SEMA6D: variants seen among roughly 807,000 people sequenced by gnomAD.
SEMA6D encodes the protein semaphorin-6D.
A neutral mutation model predicts 106.6 loss-of-function variants in SEMA6D; 35 were observed. The ratio of observed to expected loss-of-function variants is 0.33; its 90% confidence interval spans 0.25 to 0.44. SEMA6D has a LOEUF of 0.44. Among genes scored for constraint, SEMA6D ranks in the 20% least tolerant of loss-of-function variants. SEMA6D has a pLI of 1.00. For synonymous variants in SEMA6D, 499 were observed against 487.7 expected, an observed-to-expected ratio of 1.02 and a Z score of -0.31; for missense variants, 1,185 against 1,345.9, an observed-to-expected ratio of 0.88 and a Z score of 1.87.
At chr15:47,354,199 C>CTA (rs58550689) in intron 1 of SEMA6D, among the ~76,000 whole-genome samples, 150 of 70,326 alleles carry the variant, frequency 2.1e-3, no homozygotes, top group East Asian at 2.9e-3. Flanking sequence ...CTCTCTCTCT[C>CTA]TATATATATA....
At chr15:47,468,980 C>T (rs532862545) in intron 2 of SEMA6D, among the ~76,000 whole-genome samples, 8 of 152,110 alleles carry the variant, frequency 5.3e-5, no homozygotes, top group Non-Finnish European at 1.0e-4. Flanking sequence ...GGCCCCTGAA[C>T]TCTTGAGGTC....
intron 1 of SEMA6D, among the ~76,000 whole-genome samples, chr15:47,217,381 A>G (rs990372276): frequency 5.3e-5 from 8 of 152,194 alleles, no homozygotes; most frequent in Admixed American, 2.6e-4. Context: ...TGAACCAGGT[A>G]TACCTTGTAA....
chr15:47,279,625 T>C (rs11632944), intron 1 of SEMA6D, among the ~76,000 whole-genome samples: 148,576 of 150,116 alleles, frequency 0.99, 73,535 homozygotes, highest in Middle Eastern at 1. Context: ...GGGAATGCTT[T>C]CAGTTTTTGT....
At chr15:47,405,251 G>A (rs1448893317) in intron 1 of SEMA6D, among the ~76,000 whole-genome samples, 1 of 152,154 alleles carries the variant, frequency 6.6e-6, no homozygotes, top group Non-Finnish European at 1.5e-5. Flanking sequence ...GTAAGGGATT[G>A]GAGGGGGTGG....
intron 1 of SEMA6D, among the ~76,000 whole-genome samples, chr15:47,227,438 T>TTTCTTTCTTTCTTTCTTTCTTTCTTTC (rs374904188): frequency 0.072 from 5,512 of 76,104 alleles, 170 homozygotes; most frequent in African/African-American, 0.11. Flanking sequence ...TCTTTCTTTC[T>TTTCTTTCTTTCTTTCTTTCTTTCTTTC]TTTCTTTCTT....
chr15:47,410,204 G>A (rs2040741707), intron 1 of SEMA6D, among the ~76,000 whole-genome samples: 1 of 151,352 alleles, frequency 6.6e-6, no homozygotes, highest in Admixed American at 6.6e-5. Context: ...AGCTGGTCTT[G>A]AATTCCTGGG....
At chr15:47,338,378 T>C (rs117856927) in intron 1 of SEMA6D, among the ~76,000 whole-genome samples, 2,294 of 152,288 alleles carry the variant, frequency 0.015, 37 homozygotes, top group Non-Finnish European at 0.025. Context: ...TGTTTTTGGA[T>C]GCTGCCAAGA....
intron 1 of SEMA6D, among the ~76,000 whole-genome samples, chr15:47,189,514 A>C (rs542536316): frequency 2.0e-5 from 3 of 152,318 alleles, no homozygotes; most frequent in South Asian, 2.1e-4. Context: ...AAAAAACCCC[A>C]AAAACCACAA....
At chr15:47,523,072 C>T (rs562017330) in intron 3 of SEMA6D, among the ~76,000 whole-genome samples, 5 of 152,278 alleles carry the variant, frequency 3.3e-5, no homozygotes, top group East Asian at 1.9e-4. Context: ...GGTAAATATC[C>T]GCATCCTATA....
chr15:47,185,056 G>T (rs1247530755), intron 1 of SEMA6D, among the ~76,000 whole-genome samples: 1 of 152,200 alleles, frequency 6.6e-6, no homozygotes, highest in East Asian at 1.9e-4. Flanking sequence ...GCGCTAGCGG[G>T]CTTGCGCGCG....
intron 1 of SEMA6D, among the ~76,000 whole-genome samples, chr15:47,336,985 T>G (rs1342553668): frequency 7.2e-5 from 11 of 152,122 alleles, no homozygotes; most frequent in East Asian, 1.9e-4. Flanking sequence ...TGGAAGTCCC[T>G]GTGTTTGGGT....
At position 47,770,520 on chromosome 15, in the gene SEMA6D, G is replaced by A; in HGVS notation, c.1957G>A (p.Gly653Arg). 1.2e-6 allele frequency: 2 copies of A among 1,602,866 alleles called. No individual in the cohort carries two copies. Among genetic ancestry groups the A allele is most frequent in the Non-Finnish European group, 8.5e-7 (1 of 1,171,274 alleles). ...PKGVRWEVQSGESNQMVHMNV... is the reference protein window; with the variant it reads ...PKGVRWEVQSRESNQMVHMNV... The stretch of plus-strand genomic sequence containing the variant: ...AGGTGTACGATGGGAAGTCCAGTCT[G>A]GAGAGTCCAACCAGATGGTCCACAT... The change falls in exon 19 of 19, where the codon GGA becomes AGA. Residue 653 changes from glycine (G) to arginine (R), a missense_variant. Gly to Arg is a moderately radical substitution (Grantham distance 125, BLOSUM62 -2). Coordinates refer to ENST00000536845, the MANE Select transcript of SEMA6D (RefSeq NM_001358351.3).
chr15:47,367,136 T>G (rs2039059340), intron 1 of SEMA6D, among the ~76,000 whole-genome samples: 1 of 152,188 alleles, frequency 6.6e-6, no homozygotes, highest in Admixed American at 6.5e-5. Flanking sequence ...GAGACAGTGT[T>G]TGCTATAATT....
At chr15:47,545,875 A>G (rs1322484300) in intron 3 of SEMA6D, among the ~76,000 whole-genome samples, 2 of 152,014 alleles carry the variant, frequency 1.3e-5, no homozygotes, top group Non-Finnish European at 2.9e-5. Flanking sequence ...TGCCCTCCTT[A>G]TCATTTTTCC....
chr15:47,662,821 T>A (rs1345865304), intron 4 of SEMA6D, among the ~76,000 whole-genome samples: 1 of 148,682 alleles, frequency 6.7e-6, no homozygotes, highest in African/African-American at 2.5e-5. Context: ...AAAAAGGAGA[T>A]AGAAGTAAGC....
chr15:47,740,586 A>G (rs1430666062), intron 1 of SEMA6D, among the ~76,000 whole-genome samples: 1 of 152,120 alleles, frequency 6.6e-6, no homozygotes, highest in Non-Finnish European at 1.5e-5. Context: ...GCCCTCTGAT[A>G]TAGTTTTCTC....
chr15:47,734,180 G>A (rs1596861149), intron 1 of SEMA6D, among the ~76,000 whole-genome samples: 1 of 152,212 alleles, frequency 6.6e-6, no homozygotes, highest in African/African-American at 2.4e-5. Context: ...AGTCGTAGTA[G>A]TAATTTTTAA....
At chr15:47,656,934 AAG>A (rs1470485113) in intron 4 of SEMA6D, among the ~76,000 whole-genome samples, 1 of 152,212 alleles carries the variant, frequency 6.6e-6, no homozygotes, top group Non-Finnish European at 1.5e-5. Context: ...AAGTGACAGA[AAG>A]AGAACAGCTA....
intron 1 of SEMA6D, among the ~76,000 whole-genome samples, chr15:47,250,922 G>T (rs2033480631): frequency 6.6e-6 from 1 of 152,180 alleles, no homozygotes; most frequent in East Asian, 1.9e-4. Context: ...CCTTTATCTG[G>T]TTTATAATGT....
Sources: gnomAD v4.1 joint callset for allele counts (sites outside exome capture counted in the v4.1 genomes callset) on GRCh38, gnomAD v4.1.1 for gene constraint, MANE v1.5 for transcripts, NCBI Gene and HGNC (gene_info 2026-07-23, HGNC 2026-07-21) for gene names.